The following WNT9B variants were observed in gnomAD, a reference collection of about 807,000 sequenced individuals.
The protein encoded by WNT9B is protein Wnt-9b.
Under a neutral mutation model 30.2 loss-of-function variants are expected in WNT9B, and 12 were observed. The observed-to-expected ratio is 0.40, with a 90% confidence interval of 0.26 to 0.64. The LOEUF is 0.64. Ranked by LOEUF, WNT9B falls within the 30% of genes least tolerant of loss-of-function variation. WNT9B has a pLI of 0.42. For synonymous variants in WNT9B, 218 were observed against 216.9 expected (o/e 1.01, Z -0.05); for missense variants, 442 against 485.2 (o/e 0.91, Z 0.84).
chr17:46,851,818 C>A lies in WNT9B; in HGVS notation c.77+103C>A. ...TCCCTCCCGCTGTCCTTGGCCCCGC[C>A]GAGGTCTCGAACTCAGACCCTAGCC... is the stretch of plus-strand genomic sequence containing the variant. On this transcript the variant is annotated intron_variant, in intron 1 of 3. Coordinates refer to ENST00000290015, the MANE Select transcript of WNT9B (RefSeq NM_003396.3). The surrounding 1 kb of genome is among the most constrained non-coding windows in gnomAD (Gnocchi z 4.3). 1 of 570,036 alleles carries A rather than the reference C, an allele frequency of 1.8e-6. No homozygotes were observed. Among genetic ancestry groups the A allele is most frequent in the Non-Finnish European group, 2.6e-6 (1 of 385,372 alleles). 35.3% of individuals were successfully genotyped at this position (570,036 alleles called of 1,614,324 possible).
At chr17:46,853,982 G>C (rs1307090441) in intron 1 of WNT9B, among the ~76,000 whole-genome samples, 1 of 151,448 alleles carries the variant, frequency 6.6e-6, no homozygotes, top group Non-Finnish European at 1.5e-5. Context: ...CATGTGAGAT[G>C]GTCAAATAGG....
rs561732888 is a variant in WNT9B at position 46,872,477 on chromosome 17, C to T, written c.78-40C>T. 161 of 1,457,586 alleles carry T rather than the reference C, an allele frequency of 1.1e-4. 2 individuals carry two copies. The South Asian group carries it at 2.2e-3, about 20-fold the overall frequency. 90.3% of individuals were successfully genotyped at this position (1,457,586 alleles called of 1,614,324 possible). ...CCCTTCATTTGCCCCTCACCACCAT[C>T]CCCAAGGCTCACCTGTCTCCCTCCT... On this transcript the variant is annotated intron_variant, in intron 1 of 3. Transcript: ENST00000290015.
rs61138160 is a variant in WNT9B at position 46,852,389 on chromosome 17, A to AGTGTGTGTGTGTGT, written c.77+713_77+726dup. 1.9e-4 allele frequency among the ~76,000 whole-genome samples: 20 copies of AGTGTGTGTGTGTGT among 105,378 alleles called. 1 individual carries two copies. The highest frequency in any genetic ancestry group is 4.8e-4 in the African/African-American group (13 of 26,814). The allele number at this position is 105,378 out of a possible 152,430, so 69.1% of individuals were successfully genotyped here. On this transcript the variant is annotated intron_variant, in intron 1 of 3. Transcript: ENST00000290015. ...AACACTGGAAAGAGTGAGAGGGCCC[A>AGTGTGTGTGTGTGT]GTGTGTGTGTGTGTGTGTGTGTGTG...
At chr17:46,868,329 T>C (rs4968242) in intron 1 of WNT9B, among the ~76,000 whole-genome samples, 5,221 of 152,304 alleles carry the variant, frequency 0.034, 393 homozygotes, top group East Asian at 0.34. Flanking sequence ...TGGTGGCTCA[T>C]GCCTGTAATC....
At chr17:46,881,047 CA>C (rs1364606766), downstream of WNT9B, among the ~76,000 whole-genome samples, 1 of 152,250 alleles carries the variant, frequency 6.6e-6, no homozygotes, top group Non-Finnish European at 1.5e-5. Flanking sequence ...TTTCTGGCCA[CA>C]GTTCCTTCCC....
intron 2 of WNT9B, among the ~76,000 whole-genome samples, chr17:46,873,066 A>C (rs531464928): frequency 1.3e-5 from 2 of 148,986 alleles, no homozygotes; most frequent in Non-Finnish European, 3.0e-5. Context: ...GGGGTCCCCC[A>C]GTTGTCTCCC....
At chr17:46,861,574 C>T (rs1358137562) in intron 1 of WNT9B, among the ~76,000 whole-genome samples, 3 of 152,178 alleles carry the variant, frequency 2.0e-5, no homozygotes, top group Non-Finnish European at 4.4e-5. Context: ...AGAGACTTAT[C>T]CCCATCGGAC....
chr17:46,878,582 C>A lies in WNT9B; in HGVS notation c.*1864C>A, dbSNP rs2085381260. 6.6e-6 allele frequency among the ~76,000 whole-genome samples: 1 copy of A among 152,242 alleles called. No homozygotes were observed. The highest frequency in any genetic ancestry group is 1.5e-5 in the Non-Finnish European group (1 of 68,048). On this transcript the variant is annotated 3_prime_UTR_variant, in exon 4 of 4. Coordinates refer to ENST00000290015, the MANE Select transcript of WNT9B (RefSeq NM_003396.3). ...GGGGAGAGGGCTGGTTTTCTCCTTT[C>A]TTCCACTTCCCCACAGCATGGAGAT...
chr17:46,847,184 C>T (rs2084785971), upstream of WNT9B, among the ~76,000 whole-genome samples: 1 of 152,244 alleles, frequency 6.6e-6, no homozygotes. Context: ...TCTCTGCCCC[C>T]TTTTTTGTCA....
intron 1 of WNT9B, among the ~76,000 whole-genome samples, chr17:46,853,511 A>G (rs921663249): frequency 1.3e-5 from 2 of 151,880 alleles, no homozygotes; most frequent in Admixed American, 1.3e-4. Flanking sequence ...AGCTGGGACT[A>G]TAGGCGCGTG....
At position 46,836,992 on chromosome 17, in the gene WNT9B, T is replaced by G. The variant is rs545990875; in HGVS notation, c.95+3552T>G. Among the ~76,000 whole-genome samples, 34 of 152,172 alleles carry G rather than the reference T, an allele frequency of 2.2e-4. No homozygotes were observed. The East Asian group carries it at 4.6e-3, about 21-fold the overall frequency. On this transcript the variant is annotated intron_variant, in intron 1 of 2. Transcript: ENST00000575372. ...GAGTCTCGCTCTGTCGCCCAGGCTG[T>G]AGTGCAGTGGCGTGATCTCGGCTCA...
intron 1 of WNT9B, among the ~76,000 whole-genome samples, chr17:46,857,751 T>C (rs2084963722): frequency 6.6e-6 from 1 of 152,220 alleles, no homozygotes; most frequent in African/African-American, 2.4e-5. Flanking sequence ...CAGTTTTAAC[T>C]TGTGGCTATT....
chr17:46,882,535 AAG>A (rs943642424), downstream of WNT9B, among the ~76,000 whole-genome samples: 48 of 152,204 alleles, frequency 3.2e-4, no homozygotes, highest in Middle Eastern at 3.4e-3. Context: ...TCCTAGGTTC[AAG>A]CGATTCTCCT....
chr17:46,842,500 G>A (rs2084728103), intron 1 of WNT9B, among the ~76,000 whole-genome samples: 1 of 152,024 alleles, frequency 6.6e-6, no homozygotes, highest in Non-Finnish European at 1.5e-5. Context: ...TCAGCCTCCC[G>A]AGTAGCTCGA....
chr17:46,886,591 AAGCTGT>A (rs1467605998), exon 5 of WNT9B: 1 of 151,912 alleles, frequency 6.6e-6, no homozygotes, highest in Non-Finnish European at 1.5e-5. Context: ...GTAACCAATT[AAGCTGT>A]ATCTACACCT....
chr17:46,857,403 A>G (rs1215608471), intron 1 of WNT9B, among the ~76,000 whole-genome samples: 1 of 147,500 alleles, frequency 6.8e-6, no homozygotes, highest in African/African-American at 2.5e-5. Flanking sequence ...TGAACCCAGG[A>G]GGCAGAGGTT....
chr17:46,875,047 CT>C (rs759773836), intron 2 of WNT9B, 53 bp from the exon 3 acceptor site: 8 of 1,613,164 alleles, frequency 5.0e-6, no homozygotes. Context: ...AAGCTTCCTC[CT>C]TTCCTCTCTT....
chr17:46,883,409 A>T (rs1237813963), downstream of WNT9B, among the ~76,000 whole-genome samples: 6 of 150,614 alleles, frequency 4.0e-5, no homozygotes, highest in Non-Finnish European at 7.4e-5. Flanking sequence ...CTCAGCCTAT[A>T]GAGTAGCTGG....
At chr17:46,836,526 G>T (rs193123625) in intron 1 of WNT9B, among the ~76,000 whole-genome samples, 1 of 152,178 alleles carries the variant, frequency 6.6e-6, no homozygotes, top group Non-Finnish European at 1.5e-5. Context: ...TGTAAATGTC[G>T]ATGATTAGAA....
Sources: allele counts gnomAD v4.1 joint callset (sites outside exome capture counted in the v4.1 genomes callset), GRCh38; gene constraint gnomAD v4.1.1; non-coding constraint Gnocchi (gnomAD v3.1); transcripts MANE v1.5; gene names NCBI Gene and HGNC (gene_info 2026-07-23, HGNC 2026-07-21).